GINM1: variants seen among roughly 807,000 people sequenced by gnomAD.
The protein encoded by GINM1 is glycoprotein integral membrane protein 1.
GINM1 carries 29 observed loss-of-function variants against 37.8 expected under a neutral mutation model. The observed-to-expected ratio is 0.77, with a 90% CI of 0.57 to 1.05. The LOEUF is 1.05. GINM1 is among the 50% of genes least tolerant of loss of function. GINM1 has a pLI of 0.00. For missense variants in GINM1, 377 were observed against 397.9 expected (o/e 0.95, Z 0.45); for synonymous variants, 143 against 146.2 (o/e 0.98, Z 0.16).
intron 7 of GINM1, 27 bp from the exon 8 acceptor site, chr6:149,590,700 A>G (rs370644193): frequency 1.8e-6 from 2 of 1,135,472 alleles, no homozygotes; most frequent in African/African-American, 3.1e-5. Context: ...TTTAATTTTG[A>G]TAGTAATTAA....
chr6:149,567,614 C>T (rs1031747321), intron 1 of GINM1, among the ~76,000 whole-genome samples: 6 of 152,152 alleles, frequency 3.9e-5, no homozygotes, highest in Non-Finnish European at 7.3e-5. Context: ...GCATTCCAGC[C>T]TGGGTGAGGG....
In GINM1 at chr6:149,579,982, C is replaced by A; in HGVS notation, c.578C>A (p.Ser193Tyr). ...SDILFTLPNL[S>Y]KKESVSSLQT... ...ATTTTATTTACCCTTCCTAACCTCT[C>A]CAAAAAAGGTAACTTAAAAGACCAT... is the stretch of plus-strand genomic sequence containing the variant. The change falls in exon 5 of 8, where the codon TCC (serine) becomes TAC (tyrosine). Residue 193 changes from serine (S) to tyrosine (Y), a missense_variant. Physicochemically the swap from Ser to Tyr is moderately radical, Grantham distance 144 (BLOSUM62 -2). Transcript: ENST00000367419. 2 of 1,573,574 alleles carry A rather than the reference C, an allele frequency of 1.3e-6. No individual in the cohort carries two copies. The highest frequency in any genetic ancestry group is 1.9e-5 in the Admixed American group (1 of 51,306).
intron 6 of GINM1, 41 bp from the exon 7 acceptor site, chr6:149,582,399 A>T (rs774314234): frequency 1.3e-6 from 2 of 1,532,634 alleles, no homozygotes; most frequent in South Asian, 2.4e-5. Context: ...ATTCTTAGAG[A>T]TTGATGCAAC....
At chr6:149,588,800 T>C (rs1004434220) in intron 7 of GINM1, among the ~76,000 whole-genome samples, 23 of 151,330 alleles carry the variant, frequency 1.5e-4, no homozygotes, top group African/African-American at 2.4e-4. Context: ...GCTAATTTGT[T>C]GTTGTTGTTG....
At chr6:149,570,180 AT>A (rs1777794346) in intron 1 of GINM1, among the ~76,000 whole-genome samples, 4 of 105,232 alleles carry the variant, frequency 3.8e-5, no homozygotes, top group Non-Finnish European at 7.8e-5. Context: ...ATATATATAT[AT>A]ATATATATAT....
At chr6:149,581,668 A>G (rs901101714) in intron 6 of GINM1, among the ~76,000 whole-genome samples, 2 of 152,216 alleles carry the variant, frequency 1.3e-5, no homozygotes, top group African/African-American at 2.4e-5. Context: ...TACCTGTGAC[A>G]TTTATACTGC....
intron 1 of GINM1, among the ~76,000 whole-genome samples, chr6:149,568,185 AT>A (rs758900549): frequency 6.6e-5 from 10 of 152,248 alleles, no homozygotes; most frequent in Admixed American, 2.0e-4. Context: ...AAGCCAGAGG[AT>A]TGCCTGAGAC....
rs1777985964 is a variant in GINM1 at position 149,580,656 on chromosome 6, A to G, written c.650A>G (p.Asp217Gly). Residue 217 changes from aspartate (D) to glycine (G), a missense_variant, in exon 6 of 8, where the codon GAT becomes GGT. By Grantham distance (94) the Asp-to-Gly change is moderately conservative. Transcript: ENST00000367419. ...YLIRNVETTV[D>G]EDVLPGKLPE... The stretch of plus-strand genomic sequence containing the variant: ...ATCAGGAATGTGGAAACCACTGTAG[A>G]TGAAGATGTTTTACCTGGCAAGTTA... 1 of 1,613,686 alleles carries G rather than the reference A, an allele frequency of 6.2e-7. No individual in the cohort carries two copies. Among genetic ancestry groups the G allele is most frequent in the Non-Finnish European group, 8.5e-7 (1 of 1,179,610 alleles).
At chr6:149,589,400 G>A (rs946070936) in intron 7 of GINM1, among the ~76,000 whole-genome samples, 8 of 151,152 alleles carry the variant, frequency 5.3e-5, no homozygotes, top group Admixed American at 1.3e-4. Flanking sequence ...AGCCTCCCGA[G>A]TAGCTGGGAT....
chr6:149,589,714 A>G (rs1042107299), intron 7 of GINM1, among the ~76,000 whole-genome samples: 3 of 152,178 alleles, frequency 2.0e-5, no homozygotes, highest in Admixed American at 6.5e-5. Flanking sequence ...ATTTCCATAT[A>G]TGTTAGTCTT....
In GINM1 at chr6:149,591,593, T is replaced by A. The variant is rs897637959; in HGVS notation, c.*755T>A. 4.6e-5 allele frequency: 7 copies of A among 152,168 alleles called. No homozygotes were observed. The highest frequency in any genetic ancestry group is 1.4e-4 in the African/African-American group (6 of 41,438). 9.4% of individuals were successfully genotyped at this position (152,168 alleles called of 1,614,324 possible). A position where few individuals can be genotyped will look rare whatever the true frequency, so the allele number is the denominator to read the frequency against. On this transcript the variant is annotated 3_prime_UTR_variant, in exon 8 of 8. Transcript: ENST00000367419. The stretch of plus-strand genomic sequence containing the variant: ...TTATTCAGTACAGTGTGCCTTTATA[T>A]TAAGTATGTGACTCAGTATAAAATC...
intron 7 of GINM1, among the ~76,000 whole-genome samples, chr6:149,587,691 GA>G (rs1778093555): frequency 6.6e-6 from 1 of 152,176 alleles, no homozygotes; most frequent in Non-Finnish European, 1.5e-5. Context: ...CAGCTATCCA[GA>G]AGCTCTCCAA....
chr6:149,580,542 A>G, intron 5 of GINM1, 51 bp from the exon 6 acceptor site: 2 of 1,543,100 alleles, frequency 1.3e-6, no homozygotes, highest in African/African-American at 1.4e-5. Flanking sequence ...TCTTAGGACT[A>G]GTAGGATAAG....
rs2115065645 is a variant in GINM1 at position 149,591,712 on chromosome 6, T to C, written c.*874T>C. 1 of 142,034 alleles carries C rather than the reference T, an allele frequency of 7.0e-6. No individual in the cohort carries two copies. The highest frequency in any genetic ancestry group is 2.3e-4 in the East Asian group (1 of 4,360). 8.8% of individuals were successfully genotyped at this position (142,034 alleles called of 1,614,324 possible). A position where few individuals can be genotyped will look rare whatever the true frequency, so the allele number is the denominator to read the frequency against. On this transcript the variant is annotated 3_prime_UTR_variant, in exon 8 of 8. Coordinates refer to ENST00000367419, the MANE Select transcript of GINM1 (RefSeq NM_138785.5). ...AAAGTAGTATGACATGTTCTCACTC[T>C]AAAATAAACTTTTTTTTTTTTTTTT...
rs139711156 is a variant in GINM1 at position 149,579,719 on chromosome 6, G to T, written c.430-115G>T. 3.2e-3 allele frequency: 1,677 copies of T among 519,158 alleles called. 61 individuals carry two copies. The Admixed American group carries it at 0.055, about 17-fold the overall frequency. The allele number at this position is 519,158 out of a possible 1,614,324, so 32.2% of individuals were successfully genotyped here. A position where few individuals can be genotyped will look rare whatever the true frequency, so the allele number is the denominator to read the frequency against. ...TCAAAAAAAAAAAAAAAGAGTAATT[G>T]TCTGAATAGGACACATGTTTTAGTT... On this transcript the variant is annotated intron_variant, in intron 4 of 7. Transcript: ENST00000367419.
intron 7 of GINM1, 92 bp from the exon 8 acceptor site, chr6:149,590,635 T>C: frequency 1.5e-6 from 1 of 667,378 alleles, no homozygotes; most frequent in Non-Finnish European, 2.6e-6. Flanking sequence ...CTTAGGTGTA[T>C]ATTATAACCT....
intron 3 of GINM1, among the ~76,000 whole-genome samples, chr6:149,575,375 G>T (rs931611791): frequency 8.5e-5 from 13 of 152,214 alleles, no homozygotes; most frequent in Admixed American, 6.5e-5. Flanking sequence ...GGCTGTGGAA[G>T]CATAGCTTAG....
In GINM1 at chr6:149,566,542, A is replaced by T; in HGVS notation, c.120+8A>T. 1 of 1,502,670 alleles carries T rather than the reference A, an allele frequency of 6.7e-7. No homozygotes were observed. Among genetic ancestry groups the T allele is most frequent in the Non-Finnish European group, 8.8e-7 (1 of 1,131,316 alleles). The allele number at this position is 1,502,670 out of a possible 1,614,324, so 93.1% of individuals were successfully genotyped here. On this transcript the variant is annotated splice_region_variant and intron_variant, in intron 1 of 7. Coordinates refer to ENST00000367419, the MANE Select transcript of GINM1 (RefSeq NM_138785.5). The surrounding 1 kb of genome is among the most constrained non-coding windows in gnomAD (Gnocchi z 4.4). Reference sequence around the variant, plus strand: ...CTGTCCGGAGCCCCACAGGTAGGGCAGGGCGGGCCTGGCTGGCCGCTTTAC... The same window carrying T: ...CTGTCCGGAGCCCCACAGGTAGGGCTGGGCGGGCCTGGCTGGCCGCTTTAC...
Position 149,580,832 on chromosome 6 carries a change from T to C in GINM1, c.717+109T>C, listed in dbSNP as rs983939941. The stretch of plus-strand genomic sequence containing the variant: ...TCCTGAAGAATGGAACTGTAGAGCA[T>C]TGGTGATAATGGACTCATCTTGGTC... On this transcript the variant is annotated intron_variant, in intron 6 of 7. Transcript: ENST00000367419. The C allele has an allele frequency of 4.5e-6, 4 of 891,380 alleles. No homozygotes were observed. The African/African-American group carries it at 5.0e-5, about 11-fold the overall frequency. The allele number at this position is 891,380 out of a possible 1,614,324, so 55.2% of individuals were successfully genotyped here.
Sources: gnomAD v4.1 joint callset for allele counts (sites outside exome capture counted in the v4.1 genomes callset) on GRCh38, gnomAD v4.1.1 for gene constraint, Gnocchi (gnomAD v3.1) non-coding constraint, MANE v1.5 for transcripts, NCBI Gene and HGNC (gene_info 2026-07-23, HGNC 2026-07-21) for gene names.